The following ROR2 variants were observed in gnomAD, a reference collection of about 807,000 sequenced individuals.
The protein encoded by ROR2 is ROR family WNT receptor 2.
Under a neutral mutation model 74.9 loss-of-function variants are expected in ROR2, and 33 were observed. That is an observed-to-expected ratio of 0.44 (90% CI 0.33 to 0.59). The LOEUF is 0.59. Ranked by LOEUF, ROR2 falls within the 20% of genes least tolerant of loss-of-function variation. The probability of loss-of-function intolerance (pLI) is 0.02; values close to 1 mark genes in which losing one functional copy is unlikely to be tolerated. For missense variants in ROR2, 1,216 were observed against 1,313.8 expected (o/e 0.93, Z 1.15); for synonymous variants, 586 against 558.7 (o/e 1.05, Z -0.69).
intron 1 of ROR2, among the ~76,000 whole-genome samples, chr9:91,788,320 C>G (rs1826862758): frequency 6.6e-6 from 1 of 151,952 alleles, no homozygotes; most frequent in Non-Finnish European, 1.5e-5. Flanking sequence ...GAAAACTCAC[C>G]AAGTTTGATA....
chr9:91,879,355 C>G (rs1326206802), intron 1 of ROR2, among the ~76,000 whole-genome samples: 1 of 152,018 alleles, frequency 6.6e-6, no homozygotes, highest in Non-Finnish European at 1.5e-5. Flanking sequence ...AATGCTGATC[C>G]CTTTTTCTTC....
At chr9:91,879,661 T>G (rs1324172399) in intron 1 of ROR2, among the ~76,000 whole-genome samples, 1 of 152,004 alleles carries the variant, frequency 6.6e-6, no homozygotes, top group African/African-American at 2.4e-5. Context: ...AAGAGCCCAC[T>G]CTCTTCCTTC....
At chr9:91,779,004 T>G (rs960606705) in intron 1 of ROR2, among the ~76,000 whole-genome samples, 1 of 152,150 alleles carries the variant, frequency 6.6e-6, no homozygotes, top group Non-Finnish European at 1.5e-5. Context: ...AAAACACACA[T>G]GACACTCTAG....
chr9:91,932,516 T>C (rs62565752), intron 1 of ROR2, among the ~76,000 whole-genome samples: 1 of 151,568 alleles, frequency 6.6e-6, no homozygotes, highest in African/African-American at 2.4e-5. Flanking sequence ...AAAAAAAAAT[T>C]AGCTGGGTGT....
chr9:91,862,623 C>T (rs752003637), intron 1 of ROR2, among the ~76,000 whole-genome samples: 6 of 152,074 alleles, frequency 3.9e-5, no homozygotes, highest in Non-Finnish European at 8.8e-5. Flanking sequence ...GAACACACCA[C>T]CGCACTGCAG....
At chr9:91,731,322 T>C (rs1247149313) in intron 6 of ROR2, among the ~76,000 whole-genome samples, 167 bp from the exon 7 acceptor site, 1 of 152,200 alleles carries the variant, frequency 6.6e-6, no homozygotes, top group East Asian at 1.9e-4. Context: ...ACAAATTAAA[T>C]GCAGGGCACA....
At chr9:91,808,696 C>T (rs182679437) in intron 1 of ROR2, among the ~76,000 whole-genome samples, 1 of 151,460 alleles carries the variant, frequency 6.6e-6, no homozygotes, top group Admixed American at 6.6e-5. Context: ...CGGTGGCTCA[C>T]GTCTGTAATC....
chr9:91,856,991 C>T (rs983836900), intron 1 of ROR2, among the ~76,000 whole-genome samples: 1 of 152,246 alleles, frequency 6.6e-6, no homozygotes, highest in Non-Finnish European at 1.5e-5. Context: ...GGCAGGGCCC[C>T]TGTCTTGAGT....
chr9:91,784,404 C>G (rs751127298), intron 1 of ROR2, among the ~76,000 whole-genome samples: 12 of 152,214 alleles, frequency 7.9e-5, no homozygotes, highest in Non-Finnish European at 1.0e-4. Flanking sequence ...ATCCTGTCAC[C>G]TACAAAACAT....
chr9:91,926,558 A>AAAAAAAAG (rs1831407320), intron 1 of ROR2, among the ~76,000 whole-genome samples: 1 of 151,982 alleles, frequency 6.6e-6, no homozygotes, highest in East Asian at 1.9e-4. Context: ...AAAAAAAAAA[A>AAAAAAAAG]AAGAAGACAT....
chr9:91,893,072 C>T (rs1259000986), intron 1 of ROR2, among the ~76,000 whole-genome samples: 1 of 152,196 alleles, frequency 6.6e-6, no homozygotes, highest in Non-Finnish European at 1.5e-5. Context: ...CAAGGGGACA[C>T]TGAGTCAGGA....
chr9:91,936,661 T>C (rs1587859872), intron 1 of ROR2, among the ~76,000 whole-genome samples: 1 of 152,212 alleles, frequency 6.6e-6, no homozygotes, highest in Non-Finnish European at 1.5e-5. Context: ...GCCTCCATTA[T>C]AATGGCCATA....
At position 91,723,374 on chromosome 9, in the gene ROR2, A is replaced by C. The variant is rs1836863701; in HGVS notation, c.*288T>G. ...TGAAAGGCATTTGCTGCTCACTACC[A>C]GTCTACCACCAGAATCAATGTATAC... On this transcript the variant is annotated 3_prime_UTR_variant, in exon 9 of 9. Transcript: ENST00000375708. The C allele has an allele frequency of 2.3e-6, 1 of 438,538 alleles. No individual in the cohort carries two copies. The highest frequency in any genetic ancestry group is 4.1e-6 in the Non-Finnish European group (1 of 245,012). 27.2% of individuals were successfully genotyped at this position (438,538 alleles called of 1,614,324 possible).
chr9:91,883,965 T>A (rs892283264), intron 1 of ROR2, among the ~76,000 whole-genome samples: 1 of 152,096 alleles, frequency 6.6e-6, no homozygotes. Context: ...TGCAGTGCCA[T>A]GTTATGGCCA....
chr9:91,913,000 A>AT (rs1831033598), intron 1 of ROR2, among the ~76,000 whole-genome samples: 2 of 152,144 alleles, frequency 1.3e-5, no homozygotes, highest in Non-Finnish European at 2.9e-5. Context: ...GTGGTGGCAC[A>AT]TACCTGTAAT....
intron 1 of ROR2, among the ~76,000 whole-genome samples, chr9:91,814,233 G>GA (rs1488615475): frequency 6.6e-6 from 1 of 152,072 alleles, no homozygotes; most frequent in Non-Finnish European, 1.5e-5. Flanking sequence ...AATGTTTGAG[G>GA]AAAAAAATCA....
intron 1 of ROR2, among the ~76,000 whole-genome samples, chr9:91,823,781 C>T (rs1828205241): frequency 6.6e-6 from 1 of 152,146 alleles, no homozygotes; most frequent in Non-Finnish European, 1.5e-5. Context: ...GCCCACATTC[C>T]CAAGGTGACA....
intron 4 of ROR2, among the ~76,000 whole-genome samples, chr9:91,739,976 A>T (rs892860749): frequency 2.6e-5 from 4 of 152,184 alleles, no homozygotes; most frequent in Admixed American, 2.0e-4. Context: ...GACATGCCTG[A>T]TCAGATTAAT....
At chr9:91,846,398 C>T (rs1466358984) in intron 1 of ROR2, among the ~76,000 whole-genome samples, 1 of 152,298 alleles carries the variant, frequency 6.6e-6, no homozygotes, top group East Asian at 1.9e-4. Flanking sequence ...CATGAGGATG[C>T]AGTGAGAAGG....
Sources: gnomAD v4.1 joint callset for allele counts (sites outside exome capture counted in the v4.1 genomes callset) on GRCh38, gnomAD v4.1.1 for gene constraint, MANE v1.5 for transcripts, NCBI Gene and HGNC (gene_info 2026-07-23, HGNC 2026-07-21) for gene names.